Variants in CCAR1 observed in about 807,000 individuals in gnomAD.
CCAR1 encodes the protein cell division cycle and apoptosis regulator 1.
CCAR1 carries 78 observed loss-of-function variants against 163.8 expected under a neutral mutation model. The observed-to-expected ratio is 0.48, with a 90% confidence interval of 0.40 to 0.57. The LOEUF (loss-of-function observed/expected upper bound fraction) is 0.57, where lower values mean the gene tolerates loss of function less well. Among genes scored for constraint, CCAR1 ranks in the 20% least tolerant of loss-of-function variants. CCAR1 has a pLI of 0.00. For synonymous variants in CCAR1, 443 were observed against 460.7 expected (o/e 0.96, Z 0.49); for missense variants, 1,019 against 1,365.2 (o/e 0.75, Z 4.00).
intron 19 of CCAR1, among the ~76,000 whole-genome samples, chr10:68,779,329 C>CTCA (rs2056706887): frequency 6.6e-6 from 1 of 151,324 alleles, no homozygotes; most frequent in Admixed American, 6.6e-5. Context: ...GTGATCTCGG[C>CTCA]TCACTACAAC....
chr10:68,732,841 G>A (rs2056059609), intron 2 of CCAR1, among the ~76,000 whole-genome samples: 1 of 152,092 alleles, frequency 6.6e-6, no homozygotes, highest in South Asian at 2.1e-4. Context: ...CGAGAGGATT[G>A]CTTGAACCAG....
chr10:68,726,723 C>T (rs565492926), intron 2 of CCAR1, among the ~76,000 whole-genome samples: 5 of 152,034 alleles, frequency 3.3e-5, no homozygotes, highest in Admixed American at 6.6e-5. Flanking sequence ...TTTGGCTGGG[C>T]GTGGTGACTC....
At chr10:68,755,320 A>G (rs754376864) in intron 12 of CCAR1, 50 bp from the exon 13 acceptor site, 10 of 1,485,662 alleles carry the variant, frequency 6.7e-6, no homozygotes, top group Non-Finnish European at 8.4e-6. Context: ...TCTTATTGGT[A>G]ATTTGACAGG....
At chr10:68,785,573 A>G (rs1242262022) in intron 19 of CCAR1, among the ~76,000 whole-genome samples, 1 of 152,108 alleles carries the variant, frequency 6.6e-6, no homozygotes, top group Admixed American at 6.6e-5. Context: ...GACTAGCTTT[A>G]TTGCAGTACT....
intron 2 of CCAR1, among the ~76,000 whole-genome samples, chr10:68,728,565 T>C (rs2055983532): frequency 6.6e-6 from 1 of 152,140 alleles, no homozygotes; most frequent in African/African-American, 2.4e-5. Flanking sequence ...TCCAAAGGAC[T>C]TCTGTCTGAG....
At chr10:68,724,424 C>T (rs1250258636) in intron 2 of CCAR1, among the ~76,000 whole-genome samples, 4 of 152,054 alleles carry the variant, frequency 2.6e-5, no homozygotes, top group African/African-American at 4.8e-5. Context: ...GATATCGCAA[C>T]GCTACACTCC....
At chr10:68,734,324 GCAAATAC>G (rs1393620531) in intron 2 of CCAR1, among the ~76,000 whole-genome samples, 1 of 151,940 alleles carries the variant, frequency 6.6e-6, no homozygotes, top group Non-Finnish European at 1.5e-5. Flanking sequence ...TGTTCCATGA[GCAAATAC>G]TGGTTTTTAC....
At chr10:68,774,961 C>A in intron 19 of CCAR1, 1 of 384,612 alleles carries the variant, frequency 2.6e-6, no homozygotes, top group South Asian at 1.9e-5. Flanking sequence ...GTTTGTGTCT[C>A]TGGCAATTAC....
At chr10:68,779,095 G>A (rs1275527808) in intron 19 of CCAR1, among the ~76,000 whole-genome samples, 18 of 151,792 alleles carry the variant, frequency 1.2e-4, no homozygotes, top group Non-Finnish European at 2.9e-5. Flanking sequence ...CGCCTGCCTC[G>A]GCCTCTCAGA....
rs1272986976 is a variant in CCAR1 at position 68,787,324 on chromosome 10, A to G, written c.2881-603A>G. ...CACCATGAAAATAGAGACCTGCCTCATTCTTTTTATAGCTGCACAGTACCC... is the reference window on the plus strand; with the variant it reads ...CACCATGAAAATAGAGACCTGCCTCGTTCTTTTTATAGCTGCACAGTACCC... On this transcript the variant is annotated intron_variant, in intron 21 of 24. Transcript: ENST00000265872. Among the ~76,000 whole-genome samples, 18 of 151,356 alleles carry G rather than the reference A, an allele frequency of 1.2e-4. No individual in the cohort carries two copies. In the Admixed American group the frequency reaches 1.2e-3, roughly 10 times the overall value.
chr10:68,737,926 A>C (rs2056133241), intron 4 of CCAR1, 37 bp downstream of exon 4: 2 of 1,373,090 alleles, frequency 1.5e-6, no homozygotes, highest in South Asian at 1.3e-5. Context: ...ACTGATTTTA[A>C]AATAGCCATT....
chr10:68,731,533 C>T (rs1488029700), intron 2 of CCAR1, among the ~76,000 whole-genome samples: 2 of 151,224 alleles, frequency 1.3e-5, no homozygotes, highest in Non-Finnish European at 2.9e-5. Context: ...AAATTATCTT[C>T]CTATCAATTT....
At chr10:68,774,005 G>C (rs2056633440) in intron 19 of CCAR1, among the ~76,000 whole-genome samples, 2 of 151,958 alleles carry the variant, frequency 1.3e-5, no homozygotes, top group Admixed American at 6.5e-5. Context: ...CGATTCTCCT[G>C]CCTCAGCCTC....
chr10:68,779,340 C>T (rs1386204714), intron 19 of CCAR1, among the ~76,000 whole-genome samples: 2 of 151,880 alleles, frequency 1.3e-5, no homozygotes, highest in Non-Finnish European at 2.9e-5. Context: ...TCACTACAAC[C>T]CCTGTCTCCC....
chr10:68,758,767 G>T (rs1024582755), intron 15 of CCAR1, among the ~76,000 whole-genome samples: 3 of 151,234 alleles, frequency 2.0e-5, no homozygotes, highest in African/African-American at 7.3e-5. Flanking sequence ...ATGCCTCCCG[G>T]GTTCAAGAGA....
intron 15 of CCAR1, among the ~76,000 whole-genome samples, chr10:68,757,932 C>T (rs1020929283): frequency 6.6e-6 from 1 of 151,790 alleles, no homozygotes; most frequent in African/African-American, 2.4e-5. Flanking sequence ...TAGTAGAGAT[C>T]GGGTTTCACC....
Position 68,773,064 on chromosome 10 carries a change from C to A in CCAR1, c.2615C>A (p.Pro872His). The change falls in exon 19 of 25, where the codon CCT (proline) becomes CAT (histidine). Residue 872 changes from proline (P) to histidine (H), a missense_variant. This residue lies in a region of CCAR1 where 358 missense variants were observed against 406.4 expected (regional missense o/e 0.88). Coordinates refer to ENST00000265872, the MANE Select transcript of CCAR1 (RefSeq NM_018237.4). ...EEDNNQDEYD[P>H]MEAEEAEDEE... ...GATAACAATCAAGATGAATATGACC[C>A]TATGGAAGCAGAAGAAGCTGAGGAT... The A allele has an allele frequency of 1.3e-6, 2 of 1,558,634 alleles. No individual in the cohort carries two copies. The highest frequency in any genetic ancestry group is 1.2e-5 in the South Asian group (1 of 82,752).
At chr10:68,755,168 G>A (rs779582757) in intron 12 of CCAR1, 2 of 741,574 alleles carry the variant, frequency 2.7e-6, no homozygotes, top group South Asian at 1.4e-5. Context: ...TATTTTAAAA[G>A]GATGAGTTAT....
chr10:68,762,583 T>C (rs1188727526), intron 16 of CCAR1, among the ~76,000 whole-genome samples: 1 of 152,184 alleles, frequency 6.6e-6, no homozygotes, highest in Non-Finnish European at 1.5e-5. Flanking sequence ...ATATCAGAAG[T>C]GTGTTTTAGC....
Sources: gnomAD v4.1 joint callset for allele counts (sites outside exome capture counted in the v4.1 genomes callset) on GRCh38, gnomAD v4.1.1 for gene constraint, gnomAD v4.1.1 regional missense constraint, MANE v1.5 for transcripts, NCBI Gene and HGNC (gene_info 2026-07-23, HGNC 2026-07-21) for gene names.